NRXN1: variants seen among roughly 807,000 people sequenced by gnomAD.
NRXN1 encodes neurexin-1.
NRXN1 carries 39 observed loss-of-function variants against 150.9 expected under a neutral mutation model. The ratio of observed to expected loss-of-function variants is 0.26; its 90% CI spans 0.20 to 0.34. The LOEUF is 0.34. Ranked by LOEUF, NRXN1 falls within the 10% of genes least tolerant of loss-of-function variation. The pLI is 1.00. For synonymous variants in NRXN1, 924 were observed against 757.0 expected (o/e 1.22, Z -3.62); for missense variants, 1,815 against 1,949.9 (o/e 0.93, Z 1.30).
At chr2:50,151,605 A>G (rs1265248310) in intron 18 of NRXN1, among the ~76,000 whole-genome samples, 5 of 151,700 alleles carry the variant, frequency 3.3e-5, no homozygotes, top group Non-Finnish European at 7.4e-5. Context: ...AAACAAGCAA[A>G]TAAAAAAAAA....
rs562856196 is a variant in NRXN1 at position 50,412,012 on chromosome 2, AC to A, written c.3364+53429del. On this transcript the variant is annotated intron_variant, in intron 17 of 22. Transcript: ENST00000401669. ...TGGGATGCTGTTGATCTATAACCTT[AC>A]CCCCAACCCCCTGCTCTCTGAAACA... is the stretch of plus-strand genomic sequence containing the variant. Among the ~76,000 whole-genome samples, 39 of 152,166 alleles carry A rather than the reference AC, an allele frequency of 2.6e-4. No homozygotes were observed. In the South Asian group the frequency reaches 7.5e-3, roughly 29 times the overall value.
intron 5 of NRXN1, among the ~76,000 whole-genome samples, chr2:50,808,352 G>C (rs910969554): frequency 3.9e-5 from 6 of 151,942 alleles, no homozygotes; most frequent in African/African-American, 1.5e-4. Context: ...TTTCTCAAAA[G>C]GCTAATATAT....
intron 5 of NRXN1, among the ~76,000 whole-genome samples, chr2:50,680,666 T>C (rs1379213918): frequency 2.0e-5 from 3 of 152,040 alleles, no homozygotes; most frequent in African/African-American, 7.2e-5. Flanking sequence ...GAAATTGTTT[T>C]AATATAGGAT....
At chr2:50,933,537 T>C (rs1330021905) in intron 2 of NRXN1, among the ~76,000 whole-genome samples, 1 of 152,096 alleles carries the variant, frequency 6.6e-6, no homozygotes, top group Admixed American at 6.5e-5. Context: ...TACAGAGTTA[T>C]AGGAAAATAG....
chr2:50,535,581 A>G (rs1409114945), intron 10 of NRXN1, among the ~76,000 whole-genome samples: 1 of 152,228 alleles, frequency 6.6e-6, no homozygotes, highest in Non-Finnish European at 1.5e-5. Context: ...AATAATTTTT[A>G]TATGATCAAG....
chr2:50,109,592 TA>T (rs796264572), intron 18 of NRXN1, among the ~76,000 whole-genome samples: 113 of 144,162 alleles, frequency 7.8e-4, no homozygotes, highest in East Asian at 3.4e-3. Context: ...AAAGGATCCT[TA>T]AAAAAAAAAA....
chr2:50,376,962 C>CTT (rs35715075), intron 17 of NRXN1, among the ~76,000 whole-genome samples: 4 of 148,256 alleles, frequency 2.7e-5, no homozygotes, highest in African/African-American at 9.9e-5. Context: ...CTTTTCTTTT[C>CTT]TTTTTTTTTT....
intron 21 of NRXN1, among the ~76,000 whole-genome samples, chr2:49,992,396 A>T (rs1454283120): frequency 1.4e-5 from 2 of 138,082 alleles, no homozygotes; most frequent in East Asian, 4.0e-4. Flanking sequence ...CAAAAAAAAA[A>T]CACCCCAAAA....
intron 17 of NRXN1, among the ~76,000 whole-genome samples, chr2:50,386,783 G>A (rs1329961352): frequency 6.6e-6 from 1 of 152,174 alleles, no homozygotes; most frequent in East Asian, 1.9e-4. Flanking sequence ...GGCTACGCAG[G>A]AGAAATACTG....
At chr2:50,296,028 C>T (rs946449649) in intron 17 of NRXN1, among the ~76,000 whole-genome samples, 2 of 152,076 alleles carry the variant, frequency 1.3e-5, no homozygotes, top group Admixed American at 6.5e-5. Flanking sequence ...TTACAAAAGC[C>T]ATTACTCCAG....
intron 10 of NRXN1, among the ~76,000 whole-genome samples, chr2:50,533,044 G>T (rs560865100): frequency 2.4e-4 from 37 of 152,290 alleles, no homozygotes; most frequent in Non-Finnish European, 4.9e-4. Context: ...TTGTGGTTTT[G>T]TAAGTTTATT....
chr2:50,538,164 T>A (rs1408250133), intron 10 of NRXN1, 89 bp downstream of exon 10: 3 of 1,433,036 alleles, frequency 2.1e-6, no homozygotes, highest in Admixed American at 2.1e-5. Context: ...GAGTATACAT[T>A]ACGTTTCAAT....
intron 12 of NRXN1, among the ~76,000 whole-genome samples, chr2:50,518,233 C>T (rs2092684337): frequency 6.6e-6 from 1 of 151,934 alleles, no homozygotes; most frequent in East Asian, 1.9e-4. Flanking sequence ...AACTAGCAAT[C>T]TTTAAATCTA....
At chr2:50,534,001 G>A (rs1202928227) in intron 10 of NRXN1, among the ~76,000 whole-genome samples, 3 of 151,982 alleles carry the variant, frequency 2.0e-5, no homozygotes, top group African/African-American at 4.8e-5. Context: ...TGAGGGCAGA[G>A]ATCAGTCTCT....
chr2:50,710,279 C>A (rs973811372), intron 5 of NRXN1, among the ~76,000 whole-genome samples: 1 of 152,050 alleles, frequency 6.6e-6, no homozygotes, highest in Non-Finnish European at 1.5e-5. Context: ...CAGCAAGCTG[C>A]AAAAGAAAAT....
At chr2:50,331,042 T>C (rs1171401651) in intron 17 of NRXN1, among the ~76,000 whole-genome samples, 1 of 152,148 alleles carries the variant, frequency 6.6e-6, no homozygotes, top group Non-Finnish European at 1.5e-5. Context: ...AACCCAATAA[T>C]AATGTCATTT....
At chr2:50,333,709 C>T (rs868355641) in intron 17 of NRXN1, among the ~76,000 whole-genome samples, 5 of 151,750 alleles carry the variant, frequency 3.3e-5, no homozygotes, top group Non-Finnish European at 7.4e-5. Context: ...CTCTATTAGG[C>T]CTGAGGTCTT....
At chr2:50,730,618 C>G (rs957235670) in intron 5 of NRXN1, among the ~76,000 whole-genome samples, 2 of 150,098 alleles carry the variant, frequency 1.3e-5, no homozygotes, top group African/African-American at 4.9e-5. Flanking sequence ...ATAATTATGT[C>G]TTCATTTTTT....
At chr2:50,739,148 A>G (rs755338442) in intron 5 of NRXN1, 3 of 325,210 alleles carry the variant, frequency 9.2e-6, no homozygotes, top group Non-Finnish European at 1.9e-5. Context: ...TATGTCACAA[A>G]TCTGTAGATG....
Sources: gnomAD v4.1 joint callset for allele counts (sites outside exome capture counted in the v4.1 genomes callset) on GRCh38, gnomAD v4.1.1 for gene constraint, MANE v1.5 for transcripts, NCBI Gene and HGNC (gene_info 2026-07-23, HGNC 2026-07-21) for gene names.